MUSK: variants seen among roughly 807,000 people sequenced by gnomAD.
MUSK encodes muscle associated receptor tyrosine kinase.
Under a neutral mutation model 88.7 loss-of-function variants are expected in MUSK, and 55 were observed. The ratio of observed to expected loss-of-function variants is 0.62; its 90% confidence interval spans 0.50 to 0.78. The LOEUF (loss-of-function observed/expected upper bound fraction) is 0.78, where lower values mean the gene tolerates loss of function less well. Ranked by LOEUF, MUSK falls within the 30% of genes least tolerant of loss-of-function variation. The probability of loss-of-function intolerance (pLI) is 0.00; values close to 1 mark genes in which losing one functional copy is unlikely to be tolerated. For missense variants in MUSK, 1,015 were observed against 1,074.3 expected (o/e 0.94, Z 0.77); for synonymous variants, 387 against 391.9 (o/e 0.99, Z 0.15).
intron 8 of MUSK, among the ~76,000 whole-genome samples, chr9:110,766,778 A>C (rs1267680342): frequency 6.6e-6 from 1 of 152,262 alleles, no homozygotes; most frequent in Non-Finnish European, 1.5e-5. Flanking sequence ...CTAAATGAGA[A>C]TATAACTTAA....
At chr9:110,753,933 T>A (rs550520749) in intron 7 of MUSK, among the ~76,000 whole-genome samples, 1 of 152,354 alleles carries the variant, frequency 6.6e-6, no homozygotes, top group African/African-American at 2.4e-5. Context: ...TGTTTCATGC[T>A]CTTTCTCATG....
chr9:110,711,758 A>T (rs1014284650), intron 5 of MUSK, among the ~76,000 whole-genome samples: 1 of 152,190 alleles, frequency 6.6e-6, no homozygotes, highest in Admixed American at 6.5e-5. Flanking sequence ...AAATCTAATA[A>T]GGCCATACTC....
At chr9:110,674,385 T>C (rs1009332045) in intron 1 of MUSK, among the ~76,000 whole-genome samples, 8 of 152,182 alleles carry the variant, frequency 5.3e-5, no homozygotes, top group Admixed American at 2.0e-4. Context: ...ATAATGATTG[T>C]ATATAACAAT....
intron 5 of MUSK, among the ~76,000 whole-genome samples, chr9:110,730,345 C>T (rs2076947562): frequency 6.6e-6 from 1 of 151,928 alleles, no homozygotes; most frequent in African/African-American, 2.4e-5. Flanking sequence ...GTTTAAAAAT[C>T]CATATCAAAA....
chr9:110,775,646 A>G, intron 9 of MUSK, 142 bp from the exon 10 acceptor site: 1 of 721,548 alleles, frequency 1.4e-6, no homozygotes, highest in Non-Finnish European at 2.5e-6. Flanking sequence ...TATTTACAGT[A>G]AAAAGTTTCT....
At chr9:110,694,139 G>A (rs2076394643) in intron 3 of MUSK, among the ~76,000 whole-genome samples, 1 of 150,466 alleles carries the variant, frequency 6.6e-6, no homozygotes, top group Non-Finnish European at 1.5e-5. Context: ...TTGGGAGGCC[G>A]AGGCGGGCAG....
chr9:110,742,305 A>C (rs577098769), intron 6 of MUSK, among the ~76,000 whole-genome samples: 1 of 152,134 alleles, frequency 6.6e-6, no homozygotes, highest in South Asian at 2.1e-4. Flanking sequence ...AATACAAAAA[A>C]TTTAGTCAGG....
intron 7 of MUSK, among the ~76,000 whole-genome samples, chr9:110,751,786 C>A (rs958359239): frequency 6.6e-6 from 1 of 151,456 alleles, no homozygotes; most frequent in African/African-American, 2.5e-5. Context: ...TAACCTATAA[C>A]TGGGACCTGG....
intron 6 of MUSK, among the ~76,000 whole-genome samples, chr9:110,742,018 T>C (rs1587979376): frequency 6.6e-6 from 1 of 152,206 alleles, no homozygotes; most frequent in Admixed American, 6.5e-5. Context: ...TAAAGTAACT[T>C]GGAGTGCCTG....
At position 110,695,510 on chromosome 9, in the gene MUSK, A is replaced by G; in HGVS notation, c.466A>G (p.Lys156Glu). 1.9e-6 allele frequency: 3 copies of G among 1,565,922 alleles called. No homozygotes were observed. In the East Asian group the frequency reaches 7.0e-5, roughly 37 times the overall value. Residue 156 changes from lysine to glutamate, a missense_variant, in exon 4 of 15, where the codon AAG becomes GAG. Lys to Glu is a moderately conservative substitution (Grantham distance 56, BLOSUM62 1). Coordinates refer to ENST00000374448, the MANE Select transcript of MUSK (RefSeq NM_005592.4). The part of the protein sequence containing the change: ...GNPKPSVSWI[K>E]GDSPLRENSR... The stretch of plus-strand genomic sequence containing the variant: ...TCCCAAACCATCAGTGTCTTGGATA[A>G]AGGGAGACAGCCCTCTCAGGGTAAG...
rs1353245084 is a variant in MUSK at position 110,668,879 on chromosome 9, T to G, written c.-26T>G. 3 of 1,596,382 alleles carry G rather than the reference T, an allele frequency of 1.9e-6. No homozygotes were observed. The highest frequency in any genetic ancestry group is 1.3e-5 in the African/African-American group (1 of 74,516). On this transcript the variant is annotated 5_prime_UTR_variant, in exon 1 of 15. Transcript: ENST00000374448. The stretch of plus-strand genomic sequence containing the variant: ...TTCCTTGCGTTGTCCAGAAGGAACT[T>G]CGTCCTGCGTGAGCCTGGATTAATC...
chr9:110,697,398 A>T lies in MUSK; in HGVS notation c.560A>T (p.Gln187Leu). The T allele has an allele frequency of 6.2e-7, 1 of 1,612,958 alleles. No individual in the cohort carries two copies. The highest frequency in any genetic ancestry group is 8.5e-7 in the Non-Finnish European group (1 of 1,179,258). The change falls in exon 5 of 15, where the codon CAG becomes CTG. Residue 187 changes from glutamine (Q) to leucine (L), a missense_variant. Transcript: ENST00000374448. ...IHNVQKEDAGQYRCVAKNSLG... is the reference protein window; with the variant it reads ...IHNVQKEDAGLYRCVAKNSLG... ...AACGTACAAAAGGAAGATGCAGGAC[A>T]GTATCGATGTGTGGCAAAAAACAGC...
intron 2 of MUSK, among the ~76,000 whole-genome samples, chr9:110,685,152 A>C (rs2076180609): frequency 2.0e-5 from 3 of 151,814 alleles, no homozygotes; most frequent in Admixed American, 6.6e-5. Context: ...CTATTTTTTG[A>C]GGGTTTTTAT....
intron 7 of MUSK, among the ~76,000 whole-genome samples, chr9:110,755,838 T>C (rs2077303383): frequency 1.3e-5 from 2 of 150,956 alleles, no homozygotes; most frequent in Admixed American, 1.3e-4. Context: ...ATGTTTTAGT[T>C]CTTTCTCTGT....
At chr9:110,772,836 T>A (rs938707308) in intron 9 of MUSK, among the ~76,000 whole-genome samples, 11 of 152,102 alleles carry the variant, frequency 7.2e-5, no homozygotes, top group African/African-American at 2.7e-4. Flanking sequence ...TTTTGTTATA[T>A]CTTTTGAAAA....
In MUSK at chr9:110,768,022, T is replaced by G; in HGVS notation, c.1123T>G (p.Cys375Gly). ...VCRPAAEALL[C>G]NHIFQECSPG... ...CCGGCCAGCTGCTGAGGCTTTGTTGTGTAACCACATCTTCCAGGAGTGCAG... is the reference window on the plus strand; with the variant it reads ...CCGGCCAGCTGCTGAGGCTTTGTTGGGTAACCACATCTTCCAGGAGTGCAG... The change falls in exon 9 of 15, where the codon TGT becomes GGT. Residue 375 changes from cysteine (C) to glycine (G), a missense_variant. Cys to Gly is a radical substitution (Grantham distance 159, BLOSUM62 -3). Coordinates refer to ENST00000374448, the MANE Select transcript of MUSK (RefSeq NM_005592.4). 6.2e-7 allele frequency: 1 copy of G among 1,614,032 alleles called. No homozygotes were observed. Among genetic ancestry groups the G allele is most frequent in the Non-Finnish European group, 8.5e-7 (1 of 1,179,886 alleles).
Position 110,697,223 on chromosome 9 carries a change from T to C in MUSK, c.487-102T>C. ...GCCAATAAAGGTCAAAGCGATATCT[T>C]TGATGATGATAATAGTGATGACAAT... On this transcript the variant is annotated intron_variant, in intron 4 of 14. Transcript: ENST00000374448. 4 of 1,253,606 alleles carry C rather than the reference T, an allele frequency of 3.2e-6. No homozygotes were observed. In the Admixed American group the frequency reaches 5.8e-5, roughly 18 times the overall value. The allele number at this position is 1,253,606 out of a possible 1,614,324, so 77.7% of individuals were successfully genotyped here.
chr9:110,747,230 G>T (rs144159508), intron 6 of MUSK, among the ~76,000 whole-genome samples: 21 of 152,276 alleles, frequency 1.4e-4, no homozygotes, highest in African/African-American at 4.6e-4. Context: ...AGCCTTATGC[G>T]TACCTTGGAT....
Position 110,800,320 on chromosome 9 carries a change from G to T in MUSK, c.1942G>T (p.Gly648Trp). ...TTTGGTTCCAGGAGTGTGTGCTGTC[G>T]GGAAGCCAATGTGCCTGCTCTTTGA... Reference protein sequence around the residue: ...IVKLLGVCAVGKPMCLLFEYM... With the variant: ...IVKLLGVCAVWKPMCLLFEYM... Residue 648 changes from glycine to tryptophan, a missense_variant, in exon 15 of 15, where the codon GGG becomes TGG. Physicochemically the swap from Gly to Trp is radical, Grantham distance 184. Coordinates refer to ENST00000374448, the MANE Select transcript of MUSK (RefSeq NM_005592.4). The T allele has an allele frequency of 1.9e-6, 3 of 1,608,986 alleles. No individual in the cohort carries two copies. The highest frequency in any genetic ancestry group is 2.6e-6 in the Non-Finnish European group (3 of 1,176,120).
Sources: gnomAD v4.1 joint callset for allele counts (sites outside exome capture counted in the v4.1 genomes callset) on GRCh38, gnomAD v4.1.1 for gene constraint, MANE v1.5 for transcripts, NCBI Gene and HGNC (gene_info 2026-07-23, HGNC 2026-07-21) for gene names.